The following PHIP variants were observed in gnomAD, a reference collection of about 807,000 sequenced individuals.
PHIP encodes the protein PHIP subunit of CUL4-Ring ligase complex, also known as PH-interacting protein.
Under a neutral mutation model 236.8 loss-of-function variants are expected in PHIP, and 54 were observed. The observed-to-expected ratio is 0.23, with a 90% CI of 0.18 to 0.29. The LOEUF (loss-of-function observed/expected upper bound fraction) is 0.29. Ranked by LOEUF, PHIP falls within the 10% of genes least tolerant of loss-of-function variation. The pLI, the probability that PHIP is intolerant of heterozygous loss-of-function variation, is 1.00. For missense variants in PHIP, 1,370 were observed against 2,190.8 expected, an observed-to-expected ratio of 0.63 and a Z score of 7.48; for synonymous variants, 756 against 718.9, an observed-to-expected ratio of 1.05 and a Z score of -0.83.
intron 6 of PHIP, among the ~76,000 whole-genome samples, chr6:79,048,932 T>C (rs1187736438): frequency 1.3e-5 from 2 of 152,216 alleles, no homozygotes; most frequent in African/African-American, 4.8e-5. Context: ...CAAGAATATG[T>C]AACTCGGAAG....
Position 79,071,379 on chromosome 6 carries a change from T to C in PHIP, c.189+6069A>G, listed in dbSNP as rs116377368. Among the ~76,000 whole-genome samples the C allele has an allele frequency of 5.9e-3, 895 of 152,334 alleles. 4 individuals carry two copies. Among genetic ancestry groups the C allele is most frequent in the African/African-American group, 0.02 (825 of 41,568 alleles). On this transcript the variant is annotated intron_variant, in intron 4 of 39. Coordinates refer to ENST00000275034, the MANE Select transcript of PHIP (RefSeq NM_017934.7). ...CTTACACTCCTCTATATTCCATAGG[T>C]CCAATAACATTATTCACTGCAAAGT...
At chr6:78,970,012 T>TA (rs780068733) in intron 26 of PHIP, 37 bp downstream of exon 26, 2 of 1,608,500 alleles carry the variant, frequency 1.2e-6, no homozygotes, top group Admixed American at 3.4e-5. Context: ...CAATCTACAA[T>TA]ACTAAGAAAA....
At chr6:79,049,740 A>G (rs1347392854) in intron 6 of PHIP, among the ~76,000 whole-genome samples, 2 of 152,178 alleles carry the variant, frequency 1.3e-5, no homozygotes, top group African/African-American at 4.8e-5. Flanking sequence ...CCAAGAAAAT[A>G]ATGCTATATT....
At chr6:78,966,873 T>A (rs1210414036) in intron 27 of PHIP, among the ~76,000 whole-genome samples, 1 of 152,240 alleles carries the variant, frequency 6.6e-6, no homozygotes, top group Non-Finnish European at 1.5e-5. Flanking sequence ...CTGAAAGACT[T>A]GGGTTCAAAT....
At chr6:78,955,838 T>G in intron 32 of PHIP, 156 bp from the exon 33 acceptor site, 1 of 435,066 alleles carries the variant, frequency 2.3e-6, no homozygotes, top group Non-Finnish European at 4.2e-6. Context: ...GCACACACAT[T>G]TAACCCTGAC....
intron 9 of PHIP, among the ~76,000 whole-genome samples, chr6:79,020,717 C>T (rs145377126): frequency 6.6e-6 from 1 of 152,306 alleles, no homozygotes; most frequent in African/African-American, 2.4e-5. Flanking sequence ...CGCTACAACA[C>T]TGTTCACAAT....
chr6:79,072,229 T>C (rs1279722317), intron 4 of PHIP, among the ~76,000 whole-genome samples: 4 of 152,186 alleles, frequency 2.6e-5, no homozygotes, highest in African/African-American at 4.8e-5. Context: ...AAATGTCATT[T>C]GATGATTACC....
chr6:79,029,908 T>TA (rs1562192637), intron 7 of PHIP, among the ~76,000 whole-genome samples: 1 of 152,204 alleles, frequency 6.6e-6, no homozygotes, highest in Non-Finnish European at 1.5e-5. Flanking sequence ...TTTGAACGGA[T>TA]ACACTCTCTT....
At chr6:79,060,184 T>A (rs984616376) in intron 6 of PHIP, among the ~76,000 whole-genome samples, 1 of 152,070 alleles carries the variant, frequency 6.6e-6, no homozygotes, top group Admixed American at 6.6e-5. Context: ...CTGAATTATA[T>A]ATTGATTCTA....
At chr6:78,983,222 AATACTT>A in intron 22 of PHIP, 105 bp from the exon 23 acceptor site, 1 of 553,038 alleles carries the variant, frequency 1.8e-6, no homozygotes, top group South Asian at 4.2e-5. Flanking sequence ...TGACAGAACA[AATACTT>A]AAACTACAAA....
At chr6:78,953,932 A>C (rs369521498) in intron 35 of PHIP, among the ~76,000 whole-genome samples, 3 of 152,120 alleles carry the variant, frequency 2.0e-5, no homozygotes, top group East Asian at 3.9e-4. Flanking sequence ...ATGAGAAATC[A>C]CTCTACATTA....
intron 32 of PHIP, chr6:78,956,449 T>A (rs147378419): frequency 2.0e-5 from 3 of 152,252 alleles, no homozygotes; most frequent in Admixed American, 2.0e-4. Context: ...TCTCTGTCAA[T>A]TAAATTAGAC....
intron 16 of PHIP, 116 bp from the exon 17 acceptor site, chr6:79,002,240 G>A: frequency 1.6e-6 from 1 of 626,858 alleles, no homozygotes. Flanking sequence ...ATGGTATTAA[G>A]CAACAATTTT....
intron 4 of PHIP, among the ~76,000 whole-genome samples, chr6:79,076,947 C>A (rs1173297003): frequency 1.3e-5 from 2 of 152,224 alleles, no homozygotes; most frequent in African/African-American, 2.4e-5. Flanking sequence ...TGTCTTGCCA[C>A]GGTACCGCAG....
chr6:79,071,746 T>G (rs373981146), intron 4 of PHIP, among the ~76,000 whole-genome samples: 4 of 152,282 alleles, frequency 2.6e-5, no homozygotes, highest in African/African-American at 9.6e-5. Context: ...AGAATGAAAC[T>G]AACCTATTTA....
At chr6:79,015,478 C>A in intron 14 of PHIP, 152 bp downstream of exon 14, 1 of 648,750 alleles carries the variant, frequency 1.5e-6, no homozygotes, top group South Asian at 2.1e-5. Flanking sequence ...TGTTTAACTG[C>A]ACTGTTAAAA....
At chr6:79,033,356 T>G (rs182540498) in intron 7 of PHIP, among the ~76,000 whole-genome samples, 136 of 152,336 alleles carry the variant, frequency 8.9e-4, no homozygotes, top group African/African-American at 3.2e-3. Flanking sequence ...TGATGTATTT[T>G]TCCAATACAC....
chr6:79,002,688 C>T (rs1208761527), intron 16 of PHIP, among the ~76,000 whole-genome samples: 2 of 152,064 alleles, frequency 1.3e-5, no homozygotes, highest in African/African-American at 4.8e-5. Context: ...GAGGAGGCTA[C>T]TGTGTAGAAA....
rs1194206616 is a variant in PHIP at position 78,937,245 on chromosome 6, T to TGA, written c.*3446_*3447dup. On this transcript the variant is annotated 3_prime_UTR_variant, in exon 40 of 40. Transcript: ENST00000275034. ...GAAAAAGTTGCTTCTAGCTGACATT[T>TGA]GAGAGAGATATACAGTAGGTATATA... The TGA allele has an allele frequency of 1.3e-5, 2 of 151,730 alleles. No individual in the cohort carries two copies. Among genetic ancestry groups the TGA allele is most frequent in the Admixed American group, 1.3e-4 (2 of 15,230 alleles). 9.4% of individuals were successfully genotyped at this position (151,730 alleles called of 1,614,324 possible).
Sources: gnomAD v4.1 joint callset for allele counts (sites outside exome capture counted in the v4.1 genomes callset) on GRCh38, gnomAD v4.1.1 for gene constraint, MANE v1.5 for transcripts, NCBI Gene and HGNC (gene_info 2026-07-23, HGNC 2026-07-21) for gene names.